Variants in CDH4 observed in about 807,000 individuals in gnomAD.
The protein encoded by CDH4 is cadherin-4.
In CDH4, 33 loss-of-function variants were observed where a neutral mutation model predicts 86.0. That is an observed-to-expected ratio of 0.38 (90% CI 0.29 to 0.51). The LOEUF is 0.51. Ranked by LOEUF, CDH4 falls within the 20% of genes least tolerant of loss-of-function variation. The pLI is 0.86. For missense variants in CDH4, 1,114 were observed against 1,307.4 expected, an observed-to-expected ratio of 0.85 and a Z score of 2.28; for synonymous variants, 555 against 549.4, an observed-to-expected ratio of 1.01 and a Z score of -0.14.
intron 2 of CDH4, among the ~76,000 whole-genome samples, chr20:61,654,818 A>C (rs1181265557): frequency 1.3e-5 from 2 of 152,234 alleles, no homozygotes; most frequent in Non-Finnish European, 2.9e-5. Flanking sequence ...ATGCACCAGC[A>C]CAGACTGGGG....
intron 2 of CDH4, among the ~76,000 whole-genome samples, chr20:61,533,479 C>A (rs1208965600): frequency 2.0e-5 from 3 of 152,202 alleles, no homozygotes; most frequent in Non-Finnish European, 4.4e-5. Context: ...ACAGGAAAGA[C>A]CCGCGTGGCC....
At chr20:61,870,942 C>T (rs190136708) in intron 6 of CDH4, among the ~76,000 whole-genome samples, 8 of 152,274 alleles carry the variant, frequency 5.3e-5, no homozygotes, top group Admixed American at 2.0e-4. Context: ...AAAACCCTCA[C>T]GAGGCAAAGT....
intron 8 of CDH4, among the ~76,000 whole-genome samples, chr20:61,896,611 C>T (rs1294083509): frequency 1.3e-5 from 2 of 152,226 alleles, no homozygotes; most frequent in Non-Finnish European, 2.9e-5. Context: ...CGGGCGCAGC[C>T]CCAGGATGCA....
In CDH4 at chr20:61,744,914, G is replaced by A. The variant is rs35298866; in HGVS notation, c.396+1125G>A. 2.9e-3 allele frequency among the ~76,000 whole-genome samples: 437 copies of A among 152,312 alleles called. 1 individual carries two copies. The highest frequency in any genetic ancestry group is 0.014 in the Middle Eastern group (4 of 294). On this transcript the variant is annotated intron_variant, in intron 3 of 15. Transcript: ENST00000614565. ...GCCACTGCGCCAGCCTTCAGGTGTGGAGGCTGCTGAAGAAGCTGCAACCAG... is the reference window on the plus strand; with the variant it reads ...GCCACTGCGCCAGCCTTCAGGTGTGAAGGCTGCTGAAGAAGCTGCAACCAG...
intron 2 of CDH4, among the ~76,000 whole-genome samples, chr20:61,509,402 G>C (rs913252577): frequency 6.6e-6 from 1 of 151,228 alleles, no homozygotes; most frequent in Admixed American, 6.6e-5. Flanking sequence ...CAGGAGGTGG[G>C]TGACTGTGAG....
At chr20:61,803,380 C>T (rs973483534) in intron 4 of CDH4, among the ~76,000 whole-genome samples, 1 of 152,268 alleles carries the variant, frequency 6.6e-6, no homozygotes, top group Admixed American at 6.5e-5. Flanking sequence ...TACCAAGAGA[C>T]GGGCGGTATT....
intron 2 of CDH4, among the ~76,000 whole-genome samples, chr20:61,567,354 G>C (rs1016323144): frequency 6.6e-6 from 1 of 152,226 alleles, no homozygotes; most frequent in Non-Finnish European, 1.5e-5. Context: ...GGAGGCCAGA[G>C]TCCAAGGTCA....
intron 2 of CDH4, among the ~76,000 whole-genome samples, chr20:61,444,987 T>TTGTA (rs768185728): frequency 6.6e-6 from 1 of 151,928 alleles, no homozygotes; most frequent in African/African-American, 2.4e-5. Flanking sequence ...GCGTGTGTGT[T>TTGTA]TGTATGTATC....
intron 2 of CDH4, among the ~76,000 whole-genome samples, chr20:61,534,648 C>CTTTTTTTTTTTT (rs374753391): frequency 9.2e-6 from 1 of 108,384 alleles, no homozygotes; most frequent in African/African-American, 5.3e-5. Context: ...TTCTTTCTTT[C>CTTTTTTTTTTTT]TTTTCTTTCT....
chr20:61,609,146 C>T (rs531100917), intron 2 of CDH4, among the ~76,000 whole-genome samples: 80 of 152,334 alleles, frequency 5.3e-4, no homozygotes, highest in African/African-American at 1.9e-3. Flanking sequence ...TTAGTGCAAT[C>T]AAGCCATTAT....
chr20:61,644,097 G>A (rs1170499038), intron 2 of CDH4, among the ~76,000 whole-genome samples: 2 of 152,164 alleles, frequency 1.3e-5, no homozygotes, highest in African/African-American at 2.4e-5. Flanking sequence ...CTAAAGGCAG[G>A]CCAAGCAGTT....
chr20:61,689,100 C>T (rs145871536), intron 2 of CDH4, among the ~76,000 whole-genome samples: 1 of 152,268 alleles, frequency 6.6e-6, no homozygotes, highest in Non-Finnish European at 1.5e-5. Flanking sequence ...GACTGACTCA[C>T]ACCAGCCCTA....
rs1015687170 is a variant in CDH4 at position 61,902,266 on chromosome 20, C to T, written c.1188+7219C>T. ...GATGCAGAGGCAGAAAAGGTCAAGC[C>T]GGGGCCTCTGAAACCAGGACCCCCG... On this transcript the variant is annotated intron_variant, in intron 8 of 15. Transcript: ENST00000614565. The surrounding 1 kb of genome is among the most constrained non-coding windows in gnomAD (Gnocchi z 4.6). Among the ~76,000 whole-genome samples the T allele has an allele frequency of 1.3e-5, 2 of 152,222 alleles. No individual in the cohort carries two copies. Among genetic ancestry groups the T allele is most frequent in the Non-Finnish European group, 2.9e-5 (2 of 68,040 alleles).
At chr20:61,505,812 G>T (rs1421248869) in intron 2 of CDH4, among the ~76,000 whole-genome samples, 1 of 151,532 alleles carries the variant, frequency 6.6e-6, no homozygotes, top group African/African-American at 2.4e-5. Context: ...TCCTCACGCT[G>T]CTTATGTTAA....
chr20:61,824,983 G>A (rs62206309), intron 4 of CDH4, among the ~76,000 whole-genome samples: 4,783 of 152,188 alleles, frequency 0.031, 91 homozygotes, highest in Non-Finnish European at 0.048. Context: ...GGCCACTTTC[G>A]TTATCCCATA....
intron 2 of CDH4, among the ~76,000 whole-genome samples, chr20:61,605,060 T>C (rs1009997353): frequency 4.6e-5 from 7 of 152,154 alleles, no homozygotes; most frequent in Non-Finnish European, 8.8e-5. Flanking sequence ...TCGTGGTGCC[T>C]GTTTTCAAGT....
chr20:61,499,328 A>G (rs954126673), intron 2 of CDH4: 9 of 575,442 alleles, frequency 1.6e-5, no homozygotes, highest in African/African-American at 1.2e-4. Context: ...TTCATCCCCT[A>G]TGCCTCAGTT....
chr20:61,718,993 G>A (rs1324179104), intron 2 of CDH4: 4 of 471,166 alleles, frequency 8.5e-6, no homozygotes. Context: ...CCAGATGAAA[G>A]AGCACACTCA....
chr20:61,423,678 AT>A lies in CDH4; in HGVS notation c.169+168750del, dbSNP rs923161308. ...CTTTTACTTGGCAGGTACGTTCGTCATTTTTTTTTCATTTTGAGATCTACAC... is the reference window on the plus strand; with the variant it reads ...CTTTTACTTGGCAGGTACGTTCGTCATTTTTTTTCATTTTGAGATCTACAC... On this transcript the variant is annotated intron_variant, in intron 2 of 15. Transcript: ENST00000614565. Among the ~76,000 whole-genome samples the A allele has an allele frequency of 4.0e-4, 22 of 54,886 alleles. 1 individual carries two copies. The highest frequency in any genetic ancestry group is 0.013 in the Middle Eastern group (1 of 78). 36.0% of individuals were successfully genotyped at this position (54,886 alleles called of 152,430 possible).
Sources: gnomAD v4.1 joint callset for allele counts (sites outside exome capture counted in the v4.1 genomes callset) on GRCh38, gnomAD v4.1.1 for gene constraint, Gnocchi (gnomAD v3.1) non-coding constraint, MANE v1.5 for transcripts, NCBI Gene and HGNC (gene_info 2026-07-23, HGNC 2026-07-21) for gene names.